Variants in DARS2 observed in about 807,000 individuals in gnomAD.
DARS2 encodes aspartyl-tRNA synthetase 2, mitochondrial.
In DARS2, 63 loss-of-function variants were observed where a neutral mutation model predicts 83.0. That is an observed-to-expected ratio of 0.76 (90% CI 0.62 to 0.94). The LOEUF is 0.94. Ranked by LOEUF, DARS2 falls within the 40% of genes least tolerant of loss-of-function variation. The pLI is 0.00. For synonymous variants in DARS2, 250 were observed against 269.3 expected (o/e 0.93, Z 0.70); for missense variants, 675 against 774.4 (o/e 0.87, Z 1.52).
At chr1:173,849,820 T>C (rs1653579941) in intron 12 of DARS2, among the ~76,000 whole-genome samples, 1 of 151,892 alleles carries the variant, frequency 6.6e-6, no homozygotes, top group Non-Finnish European at 1.5e-5. Flanking sequence ...TTATTCTCCA[T>C]TCTTCATCCC....
chr1:173,836,513 A>G (rs1653012171), intron 7 of DARS2, among the ~76,000 whole-genome samples: 1 of 152,028 alleles, frequency 6.6e-6, no homozygotes, highest in African/African-American at 2.4e-5. Flanking sequence ...ATCGCACTCC[A>G]GCCTGGGTGA....
rs1164469532 is a variant in DARS2 at position 173,844,778 on chromosome 1, A to ATTTT, written c.1129-421_1129-418dup. ...TGTGTCATTTGGTAGCAGAAATTGG[A>ATTTT]TTTTTTTTTTTTTTTTTTTTTTTTT... On this transcript the variant is annotated intron_variant, in intron 11 of 16. Coordinates refer to ENST00000649689, the MANE Select transcript of DARS2 (RefSeq NM_018122.5). Among the ~76,000 whole-genome samples, 23 of 56,838 alleles carry ATTTT rather than the reference A, an allele frequency of 4.0e-4. 5 individuals are homozygous for ATTTT. The highest frequency in any genetic ancestry group is 6.2e-4 in the Non-Finnish European group (20 of 32,404). The allele number at this position is 56,838 out of a possible 152,430, so 37.3% of individuals were successfully genotyped here. A position where few individuals can be genotyped will look rare whatever the true frequency, so the allele number is the denominator to read the frequency against.
chr1:173,827,479 A>C (rs1213773646), intron 2 of DARS2, among the ~76,000 whole-genome samples: 1 of 152,092 alleles, frequency 6.6e-6, no homozygotes, highest in African/African-American at 2.4e-5. Context: ...AATACAAAAA[A>C]AGTTCGCCAG....
chr1:173,850,441 G>A lies in DARS2; in HGVS notation c.1306G>A (p.Asp436Asn). The A allele has an allele frequency of 6.2e-7, 1 of 1,614,026 alleles. No homozygotes were observed. Among genetic ancestry groups the A allele is most frequent in the South Asian group, 1.1e-5 (1 of 91,084 alleles). The change falls in exon 13 of 17, where the codon GAT becomes AAT. Residue 436 changes from aspartate (D) to asparagine (N), a missense_variant. Physicochemically the swap from Asp to Asn is conservative, Grantham distance 23. Transcript: ENST00000649689. Reference sequence around the variant, plus strand: ...CAGACTAATGGAGACCCAAGAGGAAGATGTGGTCCTACTAACTGCTGGAGA... The same window carrying A: ...CAGACTAATGGAGACCCAAGAGGAAAATGTGGTCCTACTAACTGCTGGAGA... ...LIRLMETQEE[D>N]VVLLTAGEHN...
chr1:173,829,603 G>A (rs1008562630), intron 3 of DARS2, among the ~76,000 whole-genome samples: 2 of 151,392 alleles, frequency 1.3e-5, no homozygotes, highest in African/African-American at 2.4e-5. Flanking sequence ...GTGAAACCTC[G>A]TCTCTACTAA....
At position 173,835,548 on chromosome 1, in the gene DARS2, C is replaced by G. The variant is rs534475087; in HGVS notation, c.663+1029C>G. 2.7e-3 allele frequency among the ~76,000 whole-genome samples: 401 copies of G among 149,918 alleles called. 2 individuals carry two copies. Among genetic ancestry groups the G allele is most frequent in the Non-Finnish European group, 4.1e-3 (279 of 67,458 alleles). ...GACCGTATCTCTTGTCTTAAAGACC[C>G]TAAAGAAAAAAAAATGGAAAAGAAA... On this transcript the variant is annotated intron_variant, in intron 7 of 16. Coordinates refer to ENST00000649689, the MANE Select transcript of DARS2 (RefSeq NM_018122.5).
chr1:173,851,597 A>G (rs369483397), intron 13 of DARS2, among the ~76,000 whole-genome samples: 61 of 152,312 alleles, frequency 4.0e-4, no homozygotes, highest in African/African-American at 1.4e-3. Flanking sequence ...TGGCTGAGTC[A>G]TGATTCTTCA....
At chr1:173,830,850 T>C (rs1652770352) in intron 4 of DARS2, 89 bp downstream of exon 4, 4 of 951,584 alleles carry the variant, frequency 4.2e-6, no homozygotes, top group Non-Finnish European at 6.9e-6. Context: ...TGACTGGACA[T>C]TAGGCACTAA....
intron 13 of DARS2, chr1:173,851,718 T>C: frequency 2.5e-6 from 1 of 403,368 alleles, no homozygotes; most frequent in African/African-American, 2.2e-5. Flanking sequence ...AAGCATGATA[T>C]AAATTTATTT....
At chr1:173,847,457 T>C (rs939562580) in intron 12 of DARS2, among the ~76,000 whole-genome samples, 2 of 152,148 alleles carry the variant, frequency 1.3e-5, no homozygotes, top group African/African-American at 4.8e-5. Context: ...TCTCTTCTCC[T>C]GTTTTCTTTT....
intron 9 of DARS2, 25 bp downstream of exon 9, chr1:173,838,284 C>G (rs1340125023): frequency 2.5e-6 from 4 of 1,581,986 alleles, no homozygotes; most frequent in East Asian, 2.2e-5. Flanking sequence ...TCACTTGTTT[C>G]TTAAAATTCA....
At chr1:173,834,611 A>G in intron 7 of DARS2, 92 bp downstream of exon 7, 1 of 944,286 alleles carries the variant, frequency 1.1e-6, no homozygotes. Context: ...GTCCACTTTT[A>G]TTTACTGCCT....
At chr1:173,828,716 T>G (rs1345652950) in intron 3 of DARS2, among the ~76,000 whole-genome samples, 1 of 152,186 alleles carries the variant, frequency 6.6e-6, no homozygotes, top group Non-Finnish European at 1.5e-5. Context: ...TTTAACACAT[T>G]AGATTGACAA....
At chr1:173,844,721 G>A (rs1463006398) in intron 11 of DARS2, among the ~76,000 whole-genome samples, 9 of 97,842 alleles carry the variant, frequency 9.2e-5, no homozygotes, top group South Asian at 3.6e-4. Flanking sequence ...TGCATAACTG[G>A]AAAAAATAAG....
chr1:173,853,314 G>T (rs1313542088), intron 13 of DARS2, 35 bp from the exon 14 acceptor site: 1 of 1,601,652 alleles, frequency 6.2e-7, no homozygotes, highest in South Asian at 1.1e-5. Context: ...GCTCTGTCAA[G>T]AAGTTAACTC....
chr1:173,838,494 A>G (rs528312697), intron 9 of DARS2, among the ~76,000 whole-genome samples: 7 of 151,948 alleles, frequency 4.6e-5, no homozygotes, highest in African/African-American at 1.7e-4. Context: ...ACTGTCATTC[A>G]AATTTTAGTA....
At chr1:173,833,253 G>A (rs1388465543) in intron 5 of DARS2, 123 bp from the exon 6 acceptor site, 4 of 777,758 alleles carry the variant, frequency 5.1e-6, no homozygotes, top group Non-Finnish European at 5.9e-6. Context: ...GCATACAGTG[G>A]GCTACTTAAT....
intron 11 of DARS2, among the ~76,000 whole-genome samples, chr1:173,842,317 TAGAGTGAG>T (rs1557859399): frequency 7.0e-3 from 811 of 116,460 alleles, no homozygotes; most frequent in South Asian, 9.7e-3. Flanking sequence ...TTTTTTTTTT[TAGAGTGAG>T]TCTTGCTCTG....
intron 3 of DARS2, among the ~76,000 whole-genome samples, chr1:173,829,906 T>C (rs1652731192): frequency 6.6e-6 from 1 of 151,614 alleles, no homozygotes. Flanking sequence ...AGACTCTATC[T>C]CAAAAAAATA....
Sources: gnomAD v4.1 joint callset for allele counts (sites outside exome capture counted in the v4.1 genomes callset) on GRCh38, gnomAD v4.1.1 for gene constraint, MANE v1.5 for transcripts, NCBI Gene and HGNC (gene_info 2026-07-23, HGNC 2026-07-21) for gene names.